CMIP: variants seen among roughly 807,000 people sequenced by gnomAD.
The protein encoded by CMIP is C-Maf-inducing protein.
CMIP carries 13 observed loss-of-function variants against 97.3 expected under a neutral mutation model. The observed-to-expected ratio is 0.13, with a 90% CI of 0.09 to 0.21. The LOEUF is 0.21. Ranked by LOEUF, CMIP falls within the 10% of genes least tolerant of loss-of-function variation. The pLI is 1.00. For synonymous variants in CMIP, 538 were observed against 436.3 expected (o/e 1.23, Z -2.91); for missense variants, 847 against 1,024.9 (o/e 0.83, Z 2.37).
intron 2 of CMIP, chr16:81,610,448 C>G: frequency 1.0e-6 from 1 of 986,042 alleles, no homozygotes; most frequent in Non-Finnish European, 1.2e-6. Context: ...GAGGAGGAGG[C>G]GGCTTGCAAC....
intron 1 of CMIP, among the ~76,000 whole-genome samples, chr16:81,569,945 T>TTTCATTCA (rs71146021): frequency 0.012 from 1,875 of 150,892 alleles, 29 homozygotes; most frequent in African/African-American, 0.041. Flanking sequence ...TGCACTTAAC[T>TTTCATTCA]TTCATTCATT....
intron 1 of CMIP, among the ~76,000 whole-genome samples, chr16:81,538,777 C>T (rs1163640687): frequency 6.6e-6 from 1 of 152,080 alleles, no homozygotes; most frequent in Non-Finnish European, 1.5e-5. Flanking sequence ...ATATTCCAAA[C>T]CAAGACTTTG....
chr16:81,593,072 G>A (rs916005369), intron 1 of CMIP, among the ~76,000 whole-genome samples: 1 of 152,154 alleles, frequency 6.6e-6, no homozygotes, highest in Non-Finnish European at 1.5e-5. Flanking sequence ...AATATCAGTC[G>A]TTTGCTCTAT....
intron 1 of CMIP, among the ~76,000 whole-genome samples, chr16:81,594,215 T>G (rs900128183): frequency 6.7e-6 from 1 of 150,012 alleles, no homozygotes; most frequent in Non-Finnish European, 1.5e-5. Context: ...ACTCCTGGGT[T>G]CAAGTGATCC....
intron 1 of CMIP, among the ~76,000 whole-genome samples, chr16:81,566,547 C>A (rs531530182): frequency 1.3e-5 from 2 of 152,218 alleles, no homozygotes; most frequent in African/African-American, 4.8e-5. Flanking sequence ...TCTGTTTCTT[C>A]ATATTCAAGG....
In CMIP at chr16:81,605,977, G is replaced by C. The variant is rs1235636772; in HGVS notation, c.301-1590G>C. On this transcript the variant is annotated intron_variant, in intron 1 of 20. Coordinates refer to ENST00000537098, the MANE Select transcript of CMIP (RefSeq NM_198390.3). ...AGCAATTGATCACATCAGGGAAATTGAGGCAGCTTCAGCCATCAACCCTCT... is the reference window on the plus strand; with the variant it reads ...AGCAATTGATCACATCAGGGAAATTCAGGCAGCTTCAGCCATCAACCCTCT... Among the ~76,000 whole-genome samples, 3 of 152,204 alleles carry C rather than the reference G, an allele frequency of 2.0e-5. No individual in the cohort carries two copies. The East Asian group carries it at 5.8e-4, about 29-fold the overall frequency.
chr16:81,590,823 TCATCCATCCATCCATCCATCCATC>T (rs79228744), intron 1 of CMIP, among the ~76,000 whole-genome samples: 8 of 150,530 alleles, frequency 5.3e-5, no homozygotes, highest in African/African-American at 2.0e-4. Context: ...TCACTTTCTC[TCATCCATCCATCCATCCATCCATC>T]CATCCATCCA....
At chr16:81,445,702 C>T (rs1455524390) in intron 1 of CMIP, among the ~76,000 whole-genome samples, 161 bp downstream of exon 1, 2 of 152,256 alleles carry the variant, frequency 1.3e-5, no homozygotes, top group East Asian at 3.9e-4. Context: ...CTGGCCTGCT[C>T]GCGGGGCTCG....
At chr16:81,625,393 G>C (rs756214968) in intron 3 of CMIP, among the ~76,000 whole-genome samples, 1 of 152,254 alleles carries the variant, frequency 6.6e-6, no homozygotes, top group Non-Finnish European at 1.5e-5. Flanking sequence ...GGTTAATGAG[G>C]CTTCATTTCT....
rs539199683 is a variant in CMIP, at chr16:81,487,009, G to A, written c.300+41468G>A. Reference sequence around the variant, plus strand: ...CGTGAGGGAAGCTTCTGGAGGGAGCGTGGGACTGGGGTGGGGGCAGCTGGC... The same window carrying A: ...CGTGAGGGAAGCTTCTGGAGGGAGCATGGGACTGGGGTGGGGGCAGCTGGC... On this transcript the variant is annotated intron_variant, in intron 1 of 20. Coordinates refer to ENST00000537098, the MANE Select transcript of CMIP (RefSeq NM_198390.3). Among the ~76,000 whole-genome samples, 49 of 152,382 alleles carry A rather than the reference G, an allele frequency of 3.2e-4. No homozygotes were observed. The South Asian group carries it at 7.7e-3, about 24-fold the overall frequency.
chr16:81,605,437 C>T (rs1378958068), intron 1 of CMIP, among the ~76,000 whole-genome samples: 1 of 152,214 alleles, frequency 6.6e-6, no homozygotes, highest in Non-Finnish European at 1.5e-5. Flanking sequence ...GGCTGTCCCC[C>T]TGCCACCACT....
chr16:81,623,368 A>G (rs773052504), intron 3 of CMIP, among the ~76,000 whole-genome samples: 1 of 152,230 alleles, frequency 6.6e-6, no homozygotes, highest in Non-Finnish European at 1.5e-5. Context: ...TTAATCAAGC[A>G]GTTTAAAAAA....
At chr16:81,484,480 G>A (rs185112303) in intron 1 of CMIP, among the ~76,000 whole-genome samples, 177 of 152,276 alleles carry the variant, frequency 1.2e-3, no homozygotes, top group African/African-American at 4.0e-3. Flanking sequence ...TTTGACTCTG[G>A]TGGAGAACGA....
chr16:81,519,956 G>C (rs1472918268), intron 1 of CMIP: 1 of 152,224 alleles, frequency 6.6e-6, no homozygotes, highest in Non-Finnish European at 1.5e-5. Flanking sequence ...GGCTCTCTGG[G>C]AAGGTCTCAT....
At chr16:81,492,339 T>A (rs1475179268) in intron 1 of CMIP, among the ~76,000 whole-genome samples, 1 of 152,230 alleles carries the variant, frequency 6.6e-6, no homozygotes. Flanking sequence ...CAGTGTTCAG[T>A]GTTATTAGTC....
chr16:81,481,074 C>T (rs1908231418), intron 1 of CMIP, among the ~76,000 whole-genome samples: 1 of 152,216 alleles, frequency 6.6e-6, no homozygotes, highest in Admixed American at 6.5e-5. Flanking sequence ...CGGCTGTCTC[C>T]CTCAGCTGCA....
chr16:81,688,050 T>C (rs1217138083), intron 10 of CMIP, among the ~76,000 whole-genome samples: 1 of 152,268 alleles, frequency 6.6e-6, no homozygotes, highest in Non-Finnish European at 1.5e-5. Flanking sequence ...GCATCTGCGT[T>C]ATCAGCAGTG....
chr16:81,459,701 C>T (rs779494658), intron 1 of CMIP, among the ~76,000 whole-genome samples: 3 of 152,236 alleles, frequency 2.0e-5, no homozygotes, highest in Non-Finnish European at 4.4e-5. Flanking sequence ...GGGTAAACTG[C>T]GTAGCAATTC....
At chr16:81,586,828 G>T (rs528517577) in intron 1 of CMIP, among the ~76,000 whole-genome samples, 102 of 152,302 alleles carry the variant, frequency 6.7e-4, no homozygotes, top group African/African-American at 2.3e-3. Flanking sequence ...TCTGGACTAT[G>T]TCACACAGAT....
Sources: allele counts gnomAD v4.1 joint callset (sites outside exome capture counted in the v4.1 genomes callset), GRCh38; gene constraint gnomAD v4.1.1; transcripts MANE v1.5; gene names NCBI Gene and HGNC (gene_info 2026-07-23, HGNC 2026-07-21).